CA6: variants seen among roughly 807,000 people sequenced by gnomAD.
The protein encoded by CA6 is carbonic anhydrase 6.
In CA6, 28 loss-of-function variants were observed where a neutral mutation model predicts 35.9. That is an observed-to-expected ratio of 0.78 (90% CI 0.58 to 1.07). The LOEUF (loss-of-function observed/expected upper bound fraction) is 1.07. Ranked by LOEUF, CA6 falls within the 50% of genes least tolerant of loss-of-function variation. The pLI is 0.00. For missense variants in CA6, 377 were observed against 382.0 expected, an observed-to-expected ratio of 0.99 and a Z score of 0.11; for synonymous variants, 148 against 152.6, an observed-to-expected ratio of 0.97 and a Z score of 0.22.
At chr1:8,949,879 C>T (rs1169848893) in intron 2 of CA6, among the ~76,000 whole-genome samples, 1 of 152,140 alleles carries the variant, frequency 6.6e-6, no homozygotes, top group African/African-American at 2.4e-5. Flanking sequence ...AAGAAGAAAG[C>T]TCTGGCTTTC....
intron 6 of CA6, among the ~76,000 whole-genome samples, chr1:8,970,631 C>G (rs1640084613): frequency 6.6e-6 from 1 of 152,042 alleles, no homozygotes; most frequent in Non-Finnish European, 1.5e-5. Flanking sequence ...GCCTCAGCCT[C>G]CTGAGTAGCT....
At chr1:8,961,055 T>A (rs938903013) in intron 4 of CA6, among the ~76,000 whole-genome samples, 3 of 152,150 alleles carry the variant, frequency 2.0e-5, no homozygotes, top group Admixed American at 2.0e-4. Flanking sequence ...TTTCAAGTCA[T>A]CAGAACACAG....
At chr1:8,955,491 G>C (rs17032912) in intron 2 of CA6, among the ~76,000 whole-genome samples, 37,724 of 152,104 alleles carry the variant, frequency 0.25, 5,055 homozygotes, top group African/African-American at 0.36. Context: ...TCTCCCGGGA[G>C]CTGTGTTTTG....
At chr1:8,957,528 A>T (rs879612450) in intron 3 of CA6, among the ~76,000 whole-genome samples, 1 of 152,102 alleles carries the variant, frequency 6.6e-6, no homozygotes, top group Admixed American at 6.6e-5. Context: ...TTTAGTAGAG[A>T]CGGGATTTCA....
intron 3 of CA6, among the ~76,000 whole-genome samples, chr1:8,958,268 A>G (rs936898419): frequency 6.6e-6 from 1 of 151,994 alleles, no homozygotes; most frequent in Non-Finnish European, 1.5e-5. Flanking sequence ...CCTGGGTTCA[A>G]ATGATTCTCC....
At chr1:8,959,793 A>G (rs1481177871) in intron 4 of CA6, among the ~76,000 whole-genome samples, 1 of 151,448 alleles carries the variant, frequency 6.6e-6, no homozygotes, top group East Asian at 2.0e-4. Context: ...TTAGCTGGGC[A>G]TGGTGGCAGG....
chr1:8,950,932 C>G (rs1157654268), intron 2 of CA6, among the ~76,000 whole-genome samples: 1 of 152,078 alleles, frequency 6.6e-6, no homozygotes, highest in East Asian at 1.9e-4. Context: ...GAAAATAAAA[C>G]CAGCCTGGTG....
chr1:8,973,798 CCTCTCTCT>C (rs59202016), intron 7 of CA6, among the ~76,000 whole-genome samples: 1 of 119,636 alleles, frequency 8.4e-6, no homozygotes, highest in African/African-American at 3.1e-5. Context: ...TCCCTCCCTC[CCTCTCTCT>C]CTCTCTCTCT....
intron 2 of CA6, among the ~76,000 whole-genome samples, chr1:8,956,351 T>C (rs1639683344): frequency 6.6e-6 from 1 of 152,010 alleles, no homozygotes; most frequent in Admixed American, 6.6e-5. Flanking sequence ...TCTTTTTGTG[T>C]AGTTCATTCC....
At chr1:8,956,991 C>A in intron 2 of CA6, 146 bp from the exon 3 acceptor site, 1 of 643,860 alleles carries the variant, frequency 1.6e-6, no homozygotes, top group Non-Finnish European at 2.5e-6. Flanking sequence ...TTTGGTGACC[C>A]TGCCCATGGC....
intron 5 of CA6, among the ~76,000 whole-genome samples, chr1:8,964,893 G>C (rs1167837023): frequency 6.6e-6 from 1 of 152,122 alleles, no homozygotes; most frequent in East Asian, 1.9e-4. Context: ...ATGTTGGGTG[G>C]AGTCAGGCTC....
intron 6 of CA6, among the ~76,000 whole-genome samples, chr1:8,968,110 G>C (rs1397771647): frequency 6.6e-6 from 1 of 151,808 alleles, no homozygotes; most frequent in Admixed American, 6.6e-5. Flanking sequence ...TGGGACTCCA[G>C]GAGTGTGCCA....
intron 5 of CA6, among the ~76,000 whole-genome samples, chr1:8,965,792 C>T (rs1407739817): frequency 2.0e-5 from 3 of 150,952 alleles, no homozygotes; most frequent in African/African-American, 7.3e-5. Context: ...GAGGCTGAGG[C>T]GGGAGAATCG....
At chr1:8,957,600 C>T (rs1639723500) in intron 3 of CA6, among the ~76,000 whole-genome samples, 1 of 152,032 alleles carries the variant, frequency 6.6e-6, no homozygotes, top group Non-Finnish European at 1.5e-5. Context: ...CTTGGCCTCC[C>T]AAAGTGCTGG....
intron 5 of CA6, 108 bp downstream of exon 5, chr1:8,962,764 G>A (rs1362344116): frequency 2.3e-5 from 22 of 938,726 alleles, no homozygotes; most frequent in Admixed American, 1.2e-4. Context: ...AGGGTGGCCC[G>A]TGGGCCCTGC....
intron 1 of CA6, 107 bp from the exon 2 acceptor site, chr1:8,949,156 G>A (rs939759453): frequency 1.2e-6 from 1 of 812,622 alleles, no homozygotes; most frequent in Non-Finnish European, 1.8e-6. Flanking sequence ...AGGTGCCTCC[G>A]TGGGTCCCCG....
chr1:8,962,016 G>A (rs1277362671), intron 4 of CA6, among the ~76,000 whole-genome samples: 1 of 152,212 alleles, frequency 6.6e-6, no homozygotes, highest in Non-Finnish European at 1.5e-5. Flanking sequence ...GAGGTGGGCC[G>A]ATCACCTGAG....
intron 2 of CA6, among the ~76,000 whole-genome samples, chr1:8,950,863 C>CT (rs34629218): frequency 0.064 from 9,711 of 151,734 alleles, 616 homozygotes; most frequent in African/African-American, 0.15. Context: ...GAGACCGTTT[C>CT]TTTAAAATAA....
In CA6 at chr1:8,964,291, A is replaced by G. The variant is rs533941108; in HGVS notation, c.571+1635A>G. On this transcript the variant is annotated intron_variant, in intron 5 of 7. Coordinates refer to ENST00000377443, the MANE Select transcript of CA6 (RefSeq NM_001215.4). ...GGAGATGGAGTCTTGCTCTGTCACCAGGCTGGAGTGCAGTGGCATGATCTC... is the reference window on the plus strand; with the variant it reads ...GGAGATGGAGTCTTGCTCTGTCACCGGGCTGGAGTGCAGTGGCATGATCTC... Among the ~76,000 whole-genome samples, 7 of 152,082 alleles carry G rather than the reference A, an allele frequency of 4.6e-5. No individual in the cohort carries two copies. The East Asian group carries it at 1.4e-3, about 29-fold the overall frequency.
Sources: allele counts gnomAD v4.1 joint callset (sites outside exome capture counted in the v4.1 genomes callset), GRCh38; gene constraint gnomAD v4.1.1; transcripts MANE v1.5; gene names NCBI Gene and HGNC (gene_info 2026-07-23, HGNC 2026-07-21).